The following PDE6A variants were observed in gnomAD, a reference collection of about 807,000 sequenced individuals.
PDE6A encodes rod cGMP-specific 3',5'-cyclic phosphodiesterase subunit alpha.
Under a neutral mutation model 106.3 loss-of-function variants are expected in PDE6A, and 84 were observed. That is an observed-to-expected ratio of 0.79 (90% confidence interval 0.66 to 0.95). The LOEUF is 0.95. Among genes scored for constraint, PDE6A ranks in the 40% least tolerant of loss-of-function variants. The pLI is 0.00. For synonymous variants in PDE6A, 394 were observed against 386.6 expected, an observed-to-expected ratio of 1.02 and a Z score of -0.23; for missense variants, 1,052 against 1,084.9, an observed-to-expected ratio of 0.97 and a Z score of 0.43.
chr5:149,941,003 A>G (rs1162866378), intron 1 of PDE6A, among the ~76,000 whole-genome samples: 2 of 152,194 alleles, frequency 1.3e-5, no homozygotes, highest in African/African-American at 4.8e-5. Context: ...CACCATGTCC[A>G]AAGGCTGGAT....
chr5:149,891,726 C>T (rs931285737), intron 13 of PDE6A, among the ~76,000 whole-genome samples: 6 of 151,856 alleles, frequency 4.0e-5, no homozygotes, highest in African/African-American at 1.5e-4. Context: ...TTGCTTGAGC[C>T]TGAGAGGTCA....
chr5:149,926,044 C>G (rs1753857082), intron 4 of PDE6A, among the ~76,000 whole-genome samples: 2 of 152,016 alleles, frequency 1.3e-5, no homozygotes, highest in African/African-American at 4.8e-5. Flanking sequence ...GAGTTCGAGG[C>G]CAACCTGGCC....
chr5:149,895,428 C>T (rs1752703683), intron 12 of PDE6A, 138 bp from the exon 13 acceptor site: 1 of 707,570 alleles, frequency 1.4e-6, no homozygotes, highest in Non-Finnish European at 2.6e-6. Context: ...CATCATTGGA[C>T]CAGGAGGTGA....
At chr5:149,882,643 T>G (rs992385091) in intron 17 of PDE6A, among the ~76,000 whole-genome samples, 2 of 152,122 alleles carry the variant, frequency 1.3e-5, no homozygotes, top group African/African-American at 4.8e-5. Flanking sequence ...CACTGTAAAT[T>G]TCATACCAAC....
chr5:149,864,270 G>A (rs1455906179), intron 20 of PDE6A, among the ~76,000 whole-genome samples: 5 of 150,854 alleles, frequency 3.3e-5, no homozygotes, highest in Admixed American at 3.3e-4. Flanking sequence ...ACTGAGTTTT[G>A]CTCTGTTGAC....
rs561755083 is a variant in PDE6A, at chr5:149,863,113, A to G, written c.2506+6T>C. 11 of 1,614,190 alleles carry G rather than the reference A, an allele frequency of 6.8e-6. No individual in the cohort carries two copies. The highest frequency in any genetic ancestry group is 5.5e-5 in the South Asian group (5 of 91,084). ...GTGGGAGTCCCTGCTTCCCCCTTCC[A>G]CAAACCTGACTTGGCCGACTGCTGT... On this transcript the variant is annotated splice_donor_region_variant and intron_variant, in intron 21 of 21. Transcript: ENST00000255266. The surrounding 1 kb of genome is among the most constrained non-coding windows in gnomAD (Gnocchi z 4.7).
chr5:149,891,311 A>G (rs977133304), intron 13 of PDE6A, among the ~76,000 whole-genome samples: 1 of 151,778 alleles, frequency 6.6e-6, no homozygotes, highest in African/African-American at 2.4e-5. Context: ...CTCTACAAAA[A>G]ATACAAAAAT....
chr5:149,928,231 A>ATATATATATATATTTTTTT, intron 4 of PDE6A, among the ~76,000 whole-genome samples: 5 of 19,746 alleles, frequency 2.5e-4, no homozygotes, highest in African/African-American at 9.6e-4. Flanking sequence ...ATATATATAT[A>ATATATATATATATTTTTTT]TTTTTTTTTT....
Position 149,863,065 on chromosome 5 carries a change from CTG to C in PDE6A, c.2506+52_2506+53del. 1 of 1,609,992 alleles carries C rather than the reference CTG, an allele frequency of 6.2e-7. No homozygotes were observed. Among genetic ancestry groups the C allele is most frequent in the Non-Finnish European group, 8.5e-7 (1 of 1,176,244 alleles). On this transcript the variant is annotated intron_variant, in intron 21 of 21. Coordinates refer to ENST00000255266, the MANE Select transcript of PDE6A (RefSeq NM_000440.3). The surrounding 1 kb of genome is among the most constrained non-coding windows in gnomAD (Gnocchi z 4.7). ...GAGTCTCTGAGGCAGGACGCAGACACTGAGTGCTCAGGGAGTGGGGTGGTGGG... is the reference window on the plus strand; with the variant it reads ...GAGTCTCTGAGGCAGGACGCAGACACAGTGCTCAGGGAGTGGGGTGGTGGG...
intron 1 of PDE6A, among the ~76,000 whole-genome samples, chr5:149,943,651 T>A (rs1754378330): frequency 6.6e-6 from 1 of 152,216 alleles, no homozygotes; most frequent in Admixed American, 6.5e-5. Flanking sequence ...ATTACATTTC[T>A]ATGATTCCGT....
Position 149,873,021 on chromosome 5 carries a change from C to G in PDE6A, c.2136-4863G>C, listed in dbSNP as rs6892538. On this transcript the variant is annotated intron_variant, in intron 17 of 21. Transcript: ENST00000255266. ...CCAGCTCGTCCATTCAACAGAGCAC[C>G]GAGGGCCCACGATATTCTCCAGGGC... 7.2e-5 allele frequency among the ~76,000 whole-genome samples: 11 copies of G among 152,118 alleles called. No individual in the cohort carries two copies. The East Asian group carries it at 1.7e-3, about 24-fold the overall frequency.
At chr5:149,871,548 G>C (rs1340524052) in intron 17 of PDE6A, among the ~76,000 whole-genome samples, 1 of 152,052 alleles carries the variant, frequency 6.6e-6, no homozygotes. Context: ...GGATCATCTA[G>C]TGTGCAGGGC....
chr5:149,899,336 C>T (rs2113595151), intron 9 of PDE6A, 39 bp downstream of exon 9: 1 of 1,612,256 alleles, frequency 6.2e-7, no homozygotes, highest in Non-Finnish European at 8.5e-7. Flanking sequence ...CAAGCTGACT[C>T]TGAATCCCAA....
At chr5:149,925,886 T>A (rs1753852819) in intron 4 of PDE6A, among the ~76,000 whole-genome samples, 1 of 152,062 alleles carries the variant, frequency 6.6e-6, no homozygotes, top group Non-Finnish European at 1.5e-5. Flanking sequence ...TTACCAGATA[T>A]CATGATATTT....
intron 19 of PDE6A, chr5:149,866,697 G>A (rs76725252): frequency 1.6e-4 from 29 of 185,850 alleles, no homozygotes; most frequent in Non-Finnish European, 2.9e-4. Flanking sequence ...ACTTTTGTGA[G>A]TGTGTTAATG....
intron 17 of PDE6A, among the ~76,000 whole-genome samples, chr5:149,880,020 A>G (rs1760869502): frequency 6.6e-6 from 1 of 152,188 alleles, no homozygotes; most frequent in African/African-American, 2.4e-5. Flanking sequence ...AGTTCATCCC[A>G]TTGATCTGAA....
At position 149,863,374 on chromosome 5, in the gene PDE6A, G is replaced by A. The variant is rs1298139039; in HGVS notation, c.2359-108C>T. On this transcript the variant is annotated intron_variant, in intron 20 of 21. Coordinates refer to ENST00000255266, the MANE Select transcript of PDE6A (RefSeq NM_000440.3). The surrounding 1 kb of genome is among the most constrained non-coding windows in gnomAD (Gnocchi z 4.7). ...CAACACTGGAATGAGCTGCTTCGGA[G>A]TAGCAGGCCTCCCGCCACCGTGCTG... 10 of 1,127,930 alleles carry A rather than the reference G, an allele frequency of 8.9e-6. No homozygotes were observed. The highest frequency in any genetic ancestry group is 7.4e-5 in the East Asian group (3 of 40,494). 69.9% of individuals were successfully genotyped at this position (1,127,930 alleles called of 1,614,324 possible).
rs377694840 is a variant in PDE6A at position 149,944,545 on chromosome 5, G to C, written c.129C>G (p.Ala43=). ...GGGAGTGGTAGTTGCTGAAGTCCACGGCAGCCTCCTTGGCCCCAAGGAGGT... is the reference window on the plus strand; with the variant it reads ...GGGAGTGGTAGTTGCTGAAGTCCACCGCAGCCTCCTTGGCCCCAAGGAGGT... ...ISDLLGAKEA[A]VDFSNYHSPS... The change falls in exon 1 of 22, where the codon GCC becomes GCG. Residue 43 remains alanine (A), a synonymous_variant. Coordinates refer to ENST00000255266, the MANE Select transcript of PDE6A (RefSeq NM_000440.3). 1.4e-5 allele frequency: 23 copies of C among 1,613,902 alleles called. No homozygotes were observed. The highest frequency in any genetic ancestry group is 1.9e-5 in the Non-Finnish European group (23 of 1,179,992).
At chr5:149,874,006 TA>T (rs796307210) in intron 17 of PDE6A, among the ~76,000 whole-genome samples, 2,787 of 127,738 alleles carry the variant, frequency 0.022, 25 homozygotes, top group Middle Eastern at 0.044. Flanking sequence ...ACCCTGTCTC[TA>T]AAAAAAAAAA....
Sources: gnomAD v4.1 joint callset for allele counts (sites outside exome capture counted in the v4.1 genomes callset) on GRCh38, gnomAD v4.1.1 for gene constraint, Gnocchi (gnomAD v3.1) non-coding constraint, MANE v1.5 for transcripts, NCBI Gene and HGNC (gene_info 2026-07-23, HGNC 2026-07-21) for gene names.